The following ETV6 variants were observed in gnomAD, a reference collection of about 807,000 sequenced individuals.
ETV6 encodes the protein transcription factor ETV6.
A neutral mutation model predicts 51.1 loss-of-function variants in ETV6; 16 were observed. The ratio of observed to expected loss-of-function variants is 0.31; its 90% CI spans 0.21 to 0.48. The LOEUF is 0.48. Among genes scored for constraint, ETV6 ranks in the 20% least tolerant of loss-of-function variants. The probability of loss-of-function intolerance (pLI) is 0.99; values close to 1 mark genes in which losing one functional copy is unlikely to be tolerated. For synonymous variants in ETV6, 240 were observed against 224.1 expected (o/e 1.07, Z -0.64); for missense variants, 458 against 594.8 (o/e 0.77, Z 2.39).
intron 5 of ETV6, among the ~76,000 whole-genome samples, chr12:11,872,739 G>A (rs1013967544): frequency 1.3e-5 from 2 of 152,048 alleles, no homozygotes; most frequent in African/African-American, 4.8e-5. Flanking sequence ...CAAGTGATCT[G>A]CCTGCCTTGG....
rs1366070827 is a variant in ETV6, at chr12:11,839,201, T to C, written c.225T>C (p.Asn75=). 3 of 1,614,164 alleles carry C rather than the reference T, an allele frequency of 1.9e-6. No individual in the cohort carries two copies. Among genetic ancestry groups the C allele is most frequent in the Non-Finnish European group, 2.5e-6 (3 of 1,180,022 alleles). Residue 75 remains asparagine, a synonymous_variant, in exon 3 of 8, where the codon AAT becomes AAC. Transcript: ENST00000396373. ...CCCAGTGGCTCAAGTGGGCTGAAAATGAGTTTTCTTTAAGGCCAATTGACA... is the reference window on the plus strand; with the variant it reads ...CCCAGTGGCTCAAGTGGGCTGAAAACGAGTTTTCTTTAAGGCCAATTGACA... ...DVAQWLKWAE[N]EFSLRPIDSN... is the part of the protein sequence containing the mutation.
chr12:11,750,858 A>G (rs758985719), intron 1 of ETV6: 2 of 465,434 alleles, frequency 4.3e-6, no homozygotes, highest in Non-Finnish European at 8.2e-6. Flanking sequence ...AGTATAACCC[A>G]TCCTTCAAGT....
At position 11,869,822 on chromosome 12, in the gene ETV6, A is replaced by G. The variant is rs1565560187; in HGVS notation, c.862A>G (p.Lys288Glu). The G allele has an allele frequency of 6.2e-7, 1 of 1,613,426 alleles. No individual in the cohort carries two copies. Among genetic ancestry groups the G allele is most frequent in the Non-Finnish European group, 8.5e-7 (1 of 1,180,038 alleles). Residue 288 changes from lysine (K) to glutamate (E), a missense_variant, in exon 5 of 8, where the codon AAA becomes GAA. Physicochemically the swap from Lys to Glu is moderately conservative, Grantham distance 56 (BLOSUM62 1). Coordinates refer to ENST00000396373, the MANE Select transcript of ETV6 (RefSeq NM_001987.5). This position sits in a 1 kb window ranked among gnomAD's most constrained non-coding sequence, Gnocchi z 5.0. ...ILNPRHSVDF[K>E]QSRLSEDGLH... The stretch of plus-strand genomic sequence containing the variant: ...GAACCCCCGGCACTCCGTGGATTTC[A>G]AACAGTCCAGGCTCTCCGAGGACGG...
intron 2 of ETV6, among the ~76,000 whole-genome samples, chr12:11,770,317 C>T (rs999532437): frequency 1.1e-4 from 16 of 151,782 alleles, no homozygotes; most frequent in East Asian, 1.9e-4. Context: ...GGCCGTGGCC[C>T]GGGTTTCAGG....
chr12:11,823,948 T>C (rs1946118541), intron 2 of ETV6, among the ~76,000 whole-genome samples: 1 of 152,256 alleles, frequency 6.6e-6, no homozygotes, highest in Admixed American at 6.5e-5. Context: ...TCCTGCACTT[T>C]GGGCTGTAAC....
chr12:11,799,891 G>A (rs1357797660), intron 2 of ETV6, among the ~76,000 whole-genome samples: 1 of 151,996 alleles, frequency 6.6e-6, no homozygotes, highest in African/African-American at 2.4e-5. Context: ...TTAGCCTCTG[G>A]GTCCCTGGGA....
intron 7 of ETV6, among the ~76,000 whole-genome samples, chr12:11,888,369 A>G (rs1427504420): frequency 7.4e-6 from 1 of 134,300 alleles, no homozygotes; most frequent in Non-Finnish European, 1.6e-5. Flanking sequence ...TAACTACACT[A>G]CAATTTGCTT....
At chr12:11,813,652 T>A (rs143694847) in intron 2 of ETV6, among the ~76,000 whole-genome samples, 46 of 151,886 alleles carry the variant, frequency 3.0e-4, no homozygotes, top group African/African-American at 1.0e-3. Flanking sequence ...CTTTCCTGAT[T>A]CTTCAGAACT....
intron 1 of ETV6, among the ~76,000 whole-genome samples, chr12:11,701,092 G>A (rs1393268652): frequency 6.8e-6 from 1 of 147,672 alleles, no homozygotes; most frequent in Non-Finnish European, 1.5e-5. Context: ...ACTTTTTTTT[G>A]CCATTTCTTT....
chr12:11,700,530 A>G (rs2120834621), intron 1 of ETV6, among the ~76,000 whole-genome samples: 1 of 152,334 alleles, frequency 6.6e-6, no homozygotes, highest in East Asian at 1.9e-4. Context: ...AAACATAACT[A>G]CTAATAGCCT....
chr12:11,656,214 G>C (rs757478800), intron 1 of ETV6, among the ~76,000 whole-genome samples: 1 of 152,198 alleles, frequency 6.6e-6, no homozygotes, highest in South Asian at 2.1e-4. Flanking sequence ...GGAAACTGAA[G>C]CCCAGAGAGG....
chr12:11,844,976 C>T (rs1469837135), intron 3 of ETV6, among the ~76,000 whole-genome samples: 1 of 152,094 alleles, frequency 6.6e-6, no homozygotes, highest in African/African-American at 2.4e-5. Flanking sequence ...GGACTACAGG[C>T]GTGCGCCACA....
intron 2 of ETV6, among the ~76,000 whole-genome samples, chr12:11,811,804 G>C (rs1945918241): frequency 6.6e-6 from 1 of 152,174 alleles, no homozygotes; most frequent in Non-Finnish European, 1.5e-5. Flanking sequence ...CAGGAGACTA[G>C]ATGACCTGAC....
At chr12:11,886,294 G>A (rs1947181899) in intron 7 of ETV6, among the ~76,000 whole-genome samples, 1 of 152,178 alleles carries the variant, frequency 6.6e-6, no homozygotes, top group African/African-American at 2.4e-5. Context: ...AATATTATGT[G>A]GCATTAAAGT....
intron 1 of ETV6, among the ~76,000 whole-genome samples, chr12:11,654,268 A>G (rs1863959267): frequency 6.6e-6 from 1 of 152,196 alleles, no homozygotes; most frequent in South Asian, 2.1e-4. Context: ...AGTTTTTCTG[A>G]CAATAGAATC....
intron 3 of ETV6, among the ~76,000 whole-genome samples, chr12:11,842,291 C>G (rs1946403485): frequency 6.6e-6 from 1 of 152,070 alleles, no homozygotes; most frequent in South Asian, 2.1e-4. Flanking sequence ...ATCCCTACTT[C>G]CCTAATTCCA....
chr12:11,726,081 G>C (rs755038446), intron 1 of ETV6, among the ~76,000 whole-genome samples: 2 of 152,238 alleles, frequency 1.3e-5, no homozygotes, highest in Admixed American at 6.5e-5. Flanking sequence ...ACATCCAGCT[G>C]TGTATCCACA....
Position 11,869,322 on chromosome 12 carries a change from C to G in ETV6, c.464-102C>G. 1 of 991,420 alleles carries G rather than the reference C, an allele frequency of 1.0e-6. No homozygotes were observed. The highest frequency in any genetic ancestry group is 1.5e-6 in the Non-Finnish European group (1 of 664,370). The allele number at this position is 991,420 out of a possible 1,614,324, so 61.4% of individuals were successfully genotyped here. A position where few individuals can be genotyped will look rare whatever the true frequency, so the allele number is the denominator to read the frequency against. On this transcript the variant is annotated intron_variant, in intron 4 of 7. Coordinates refer to ENST00000396373, the MANE Select transcript of ETV6 (RefSeq NM_001987.5). The surrounding 1 kb of genome is among the most constrained non-coding windows in gnomAD (Gnocchi z 5.0). ...ATTCTGGGGAGAAAGGTCCTTTACACATACCTACACGCTCCTCCATTTACC... is the reference window on the plus strand; with the variant it reads ...ATTCTGGGGAGAAAGGTCCTTTACAGATACCTACACGCTCCTCCATTTACC...
At chr12:11,828,043 ACT>A (rs751267219) in intron 2 of ETV6, among the ~76,000 whole-genome samples, 3 of 151,846 alleles carry the variant, frequency 2.0e-5, no homozygotes, top group Admixed American at 6.6e-5. Flanking sequence ...GAACATTTCA[ACT>A]CTTAATATCT....
Sources: gnomAD v4.1 joint callset for allele counts (sites outside exome capture counted in the v4.1 genomes callset) on GRCh38, gnomAD v4.1.1 for gene constraint, Gnocchi (gnomAD v3.1) non-coding constraint, MANE v1.5 for transcripts, NCBI Gene and HGNC (gene_info 2026-07-23, HGNC 2026-07-21) for gene names.